The following POU2F2 variants were observed in gnomAD, a reference collection of about 807,000 sequenced individuals.
The protein encoded by POU2F2 is POU domain, class 2, transcription factor 2.
POU2F2 carries 14 observed loss-of-function variants against 63.5 expected under a neutral mutation model. The observed-to-expected ratio is 0.22, with a 90% CI of 0.15 to 0.34. The LOEUF (loss-of-function observed/expected upper bound fraction) is 0.34. Among genes scored for constraint, POU2F2 ranks in the 10% least tolerant of loss-of-function variants. The pLI is 1.00. For synonymous variants in POU2F2, 306 were observed against 348.6 expected (o/e 0.88, Z 1.36); for missense variants, 607 against 815.2 (o/e 0.74, Z 3.11).
At chr19:42,172,502 T>C (rs2034789763) in intron 1 of POU2F2, among the ~76,000 whole-genome samples, 1 of 152,164 alleles carries the variant, frequency 6.6e-6, no homozygotes, top group Non-Finnish European at 1.5e-5. Context: ...TCCTTCCGAA[T>C]GCGTCAGAGC....
At chr19:42,125,277 G>C (rs1055098401) in intron 1 of POU2F2, among the ~76,000 whole-genome samples, 1 of 151,312 alleles carries the variant, frequency 6.6e-6, no homozygotes, top group Admixed American at 6.6e-5. Flanking sequence ...TGGGAAGGTC[G>C]CTCGAGCCCA....
chr19:42,160,934 G>A (rs2034540886), intron 1 of POU2F2, among the ~76,000 whole-genome samples: 1 of 152,218 alleles, frequency 6.6e-6, no homozygotes, highest in Non-Finnish European at 1.5e-5. Context: ...TTTCTGACTT[G>A]TACATTTGTC....
upstream of POU2F2, among the ~76,000 whole-genome samples, chr19:42,176,263 G>A (rs1039785558): frequency 6.6e-6 from 1 of 152,030 alleles, no homozygotes; most frequent in Non-Finnish European, 1.5e-5. Flanking sequence ...CTCTGTCCTC[G>A]CTCCTTTTTG....
Position 42,099,512 on chromosome 19 carries a change from A to G in POU2F2, c.567+15T>C, listed in dbSNP as rs1321834723. On this transcript the variant is annotated intron_variant, in intron 7 of 14. Transcript: ENST00000692977. Reference sequence around the variant, plus strand: ...GCTGCTGGCCTGGCCTGGTGCACTCAATGGACAGTCTCACCTGTGTGGGAA... The same window carrying G: ...GCTGCTGGCCTGGCCTGGTGCACTCGATGGACAGTCTCACCTGTGTGGGAA... 2 of 1,595,636 alleles carry G rather than the reference A, an allele frequency of 1.3e-6. No homozygotes were observed. The highest frequency in any genetic ancestry group is 3.3e-5 in the Admixed American group (2 of 59,972).
chr19:42,176,562 C>T (rs1387932854), upstream of POU2F2, among the ~76,000 whole-genome samples: 1 of 152,128 alleles, frequency 6.6e-6, no homozygotes, highest in Non-Finnish European at 1.5e-5. Context: ...ACTGCTTCCC[C>T]CTCCACGCCT....
intron 5 of POU2F2, among the ~76,000 whole-genome samples, chr19:42,109,133 G>A (rs1340730435): frequency 6.6e-6 from 1 of 152,238 alleles, no homozygotes; most frequent in African/African-American, 2.4e-5. Flanking sequence ...GTTCCACCTG[G>A]GGGAGAAGAG....
intron 5 of POU2F2, among the ~76,000 whole-genome samples, chr19:42,105,039 T>C (rs1466029655): frequency 6.6e-6 from 1 of 152,090 alleles, no homozygotes; most frequent in Non-Finnish European, 1.5e-5. Context: ...CTTTCCCAGC[T>C]ACCCCCAGCC....
At chr19:42,144,379 G>C (rs2146760753) in intron 2 of POU2F2, among the ~76,000 whole-genome samples, 1 of 152,332 alleles carries the variant, frequency 6.6e-6, no homozygotes, top group East Asian at 1.9e-4. Flanking sequence ...TGCCCACCTG[G>C]CCTCACAAGG....
chr19:42,133,024 T>A (rs2033871385), upstream of POU2F2: 1 of 152,342 alleles, frequency 6.6e-6, no homozygotes, highest in South Asian at 2.1e-4. This position sits in a 1 kb window ranked among gnomAD's most constrained non-coding sequence, Gnocchi z 5.1. Context: ...TGCGCCTATC[T>A]GCAGGTGAGC....
chr19:42,182,730 G>A (rs886803933), intron 1 of POU2F2, among the ~76,000 whole-genome samples: 18 of 152,098 alleles, frequency 1.2e-4, no homozygotes, highest in African/African-American at 3.9e-4. Context: ...ACAGGGACCC[G>A]GAGGCACAGA....
At chr19:42,195,484 C>T (rs1342516329) in intron 1 of POU2F2, among the ~76,000 whole-genome samples, 1 of 151,852 alleles carries the variant, frequency 6.6e-6, no homozygotes, top group Non-Finnish European at 1.5e-5. Flanking sequence ...AGGCGCCCGC[C>T]ACCACACCAG....
intron 1 of POU2F2, among the ~76,000 whole-genome samples, chr19:42,174,736 C>T (rs576795214): frequency 2.6e-5 from 4 of 151,652 alleles, no homozygotes; most frequent in Non-Finnish European, 5.9e-5. Flanking sequence ...TACCCACCAG[C>T]CCCCCACTGC....
chr19:42,122,681 C>A, intron 1 of POU2F2, 105 bp from the exon 2 acceptor site: 1 of 1,084,708 alleles, frequency 9.2e-7, no homozygotes, highest in South Asian at 1.7e-5. Flanking sequence ...CAAATTCCCC[C>A]CTTACCCCCA....
intron 2 of POU2F2, among the ~76,000 whole-genome samples, chr19:42,143,106 C>T (rs771052252): frequency 1.3e-5 from 2 of 152,110 alleles, no homozygotes; most frequent in African/African-American, 2.4e-5. Flanking sequence ...TGGTTCACAC[C>T]TGTAATCTCA....
At chr19:42,146,152 A>C (rs1262709068) in intron 2 of POU2F2, among the ~76,000 whole-genome samples, 1 of 150,430 alleles carries the variant, frequency 6.6e-6, no homozygotes, top group Non-Finnish European at 1.5e-5. Flanking sequence ...AATACTCTAC[A>C]AAAAAGCATT....
chr19:42,168,752 C>CT (rs1199599015), intron 1 of POU2F2, among the ~76,000 whole-genome samples: 1 of 152,150 alleles, frequency 6.6e-6, no homozygotes, highest in African/African-American at 2.4e-5. Context: ...TTATTTATGC[C>CT]TGTGTGGGCT....
rs546026552 is a variant in POU2F2 at position 42,087,142 on chromosome 19, T to G, written c.*4115A>C. Reference sequence around the variant, plus strand: ...AGGTAGCGGAGTTGTCTGTGGGTTTTTTTTTTTTTTTAAATGGTTAAATCT... The same window carrying G: ...AGGTAGCGGAGTTGTCTGTGGGTTTGTTTTTTTTTTTAAATGGTTAAATCT... On this transcript the variant is annotated 3_prime_UTR_variant, in exon 15 of 15. Coordinates refer to ENST00000692977, the MANE Select transcript of POU2F2 (RefSeq NM_001394376.1). 2.0e-5 allele frequency: 3 copies of G among 151,410 alleles called. No individual in the cohort carries two copies. Among genetic ancestry groups the G allele is most frequent in the Non-Finnish European group, 4.4e-5 (3 of 67,848 alleles). 9.4% of individuals were successfully genotyped at this position (151,410 alleles called of 1,614,324 possible). A position where few individuals can be genotyped will look rare whatever the true frequency, so the allele number is the denominator to read the frequency against.
intron 2 of POU2F2, chr19:42,157,210 C>A (rs1311893390): frequency 1.3e-5 from 2 of 152,328 alleles, no homozygotes; most frequent in Admixed American, 1.3e-4. Context: ...CAGTCCACAC[C>A]CCTTCCCATC....
chr19:42,195,682 TCTTC>T, intron 1 of POU2F2, among the ~76,000 whole-genome samples: 1 of 142,024 alleles, frequency 7.0e-6, no homozygotes, highest in Admixed American at 6.9e-5. Flanking sequence ...TCCCTCCCTT[TCTTC>T]CTTCCTTCGT....
Sources: allele counts gnomAD v4.1 joint callset (sites outside exome capture counted in the v4.1 genomes callset), GRCh38; gene constraint gnomAD v4.1.1; non-coding constraint Gnocchi (gnomAD v3.1); transcripts MANE v1.5; gene names NCBI Gene and HGNC (gene_info 2026-07-23, HGNC 2026-07-21).